The following OTC variants were observed in gnomAD, a reference collection of about 807,000 sequenced individuals.
OTC encodes ornithine transcarbamylase, mitochondrial.
A neutral mutation model predicts 30.3 loss-of-function variants in OTC; 3 were observed. The ratio of observed to expected loss-of-function variants is 0.10; its 90% CI spans 0.05 to 0.26. The LOEUF (loss-of-function observed/expected upper bound fraction) is 0.26. Ranked by LOEUF, OTC falls within the 10% of genes least tolerant of loss-of-function variation. The pLI is 1.00. For synonymous variants in OTC, 111 were observed against 99.7 expected, an observed-to-expected ratio of 1.11 and a Z score of -0.67; for missense variants, 194 against 260.3, an observed-to-expected ratio of 0.75 and a Z score of 1.75.
chrX:38,417,514 C>T (rs1376371472), intron 9 of OTC, among the ~76,000 whole-genome samples: 1 of 111,644 alleles, frequency 9.0e-6, no homozygotes, highest in East Asian at 2.8e-4. Flanking sequence ...CATCACCACT[C>T]AGGAAACTTC....
At chrX:38,401,954 T>C (rs1011245893) in intron 5 of OTC, among the ~76,000 whole-genome samples, 1 of 112,000 alleles carries the variant, frequency 8.9e-6, no homozygotes, top group Non-Finnish European at 1.9e-5. Flanking sequence ...GCCATTCTAG[T>C]CCTCCCAAAT....
intron 4 of OTC, among the ~76,000 whole-genome samples, chrX:38,388,184 A>G (rs990569121): frequency 2.7e-5 from 3 of 111,823 alleles, no homozygotes; most frequent in African/African-American, 9.8e-5. Context: ...CCATGGGAAG[A>G]CAGCCTTAAG....
the OTC span, among the ~76,000 whole-genome samples, chrX:38,334,631 G>A: frequency 6.2e-5 from 7 of 112,413 alleles, no homozygotes; most frequent in Non-Finnish European, 1.1e-4. Flanking sequence ...ATGTGCTACT[G>A]TACTACTATA....
chrX:38,362,022 A>G (rs1283642724), intron 1 of OTC, among the ~76,000 whole-genome samples: 1 of 111,832 alleles, frequency 8.9e-6, no homozygotes, highest in Non-Finnish European at 1.9e-5. Flanking sequence ...TAAGTGACAT[A>G]AGCCATGAAG....
At chrX:38,327,875 G>GGTAA in the OTC span, among the ~76,000 whole-genome samples, 1 of 112,985 alleles carries the variant, frequency 8.9e-6, no homozygotes, top group East Asian at 2.8e-4. Context: ...CATTAAAGGA[G>GGTAA]GTAAGCACTC....
chrX:38,385,817 G>A (rs1212129290), intron 4 of OTC, among the ~76,000 whole-genome samples: 2 of 112,129 alleles, frequency 1.8e-5, no homozygotes, highest in African/African-American at 3.2e-5. Context: ...ATTTATGGCC[G>A]GGTGTGTTGG....
Position 38,377,183 on chromosome X carries a change from C to T in OTC, c.299-4159C>T, listed in dbSNP as rs957670620. ...AAGAATTTTGGAAAAAATATAAACG[C>T]GTGGAAATTTAAAAATGTGCTCCTG... On this transcript the variant is annotated intron_variant, in intron 3 of 9. Transcript: ENST00000039007. Among the ~76,000 whole-genome samples the T allele has an allele frequency of 7.2e-5, 8 of 111,372 alleles. No homozygotes were observed. The East Asian group carries it at 8.4e-4, about 12-fold the overall frequency.
chrX:38,381,258 T>G, intron 3 of OTC, 84 bp from the exon 4 acceptor site: 1 of 666,185 alleles, frequency 1.5e-6, no homozygotes, highest in Non-Finnish European at 2.3e-6. Flanking sequence ...ACTTTTCAGT[T>G]GAGATGATGC....
At chrX:38,394,894 G>C (rs774440169) in intron 4 of OTC, among the ~76,000 whole-genome samples, 12 of 108,251 alleles carry the variant, frequency 1.1e-4, no homozygotes, top group Admixed American at 6.0e-4. Flanking sequence ...AGTAGTTTCT[G>C]GGGGGGGGCA....
At chrX:38,413,555 G>C in intron 9 of OTC, among the ~76,000 whole-genome samples, 1 of 111,627 alleles carries the variant, frequency 9.0e-6, no homozygotes, top group Non-Finnish European at 1.9e-5. Flanking sequence ...TTGTTATCTA[G>C]GCCAGTACTT....
At chrX:38,338,641 G>A in the OTC span, among the ~76,000 whole-genome samples, 3 of 112,359 alleles carry the variant, frequency 2.7e-5, no homozygotes, top group Non-Finnish European at 5.6e-5. Flanking sequence ...TTAAACAAGA[G>A]AAATTATAAA....
intron 3 of OTC, among the ~76,000 whole-genome samples, chrX:38,377,716 G>A (rs1029512688): frequency 9.0e-6 from 1 of 111,725 alleles, no homozygotes; most frequent in Non-Finnish European, 1.9e-5. Flanking sequence ...TCCCTCCTCT[G>A]CTCCAAGCCT....
At chrX:38,340,293 A>C in the OTC span, among the ~76,000 whole-genome samples, 2 of 111,381 alleles carry the variant, frequency 1.8e-5, no homozygotes, top group African/African-American at 6.5e-5. Context: ...ACCCAGAGAA[A>C]TAAGTGGGTT....
intron 6 of OTC, among the ~76,000 whole-genome samples, chrX:38,406,692 G>A (rs1467266672): frequency 8.9e-6 from 1 of 111,860 alleles, no homozygotes; most frequent in East Asian, 2.8e-4. Context: ...GAGGCACCTG[G>A]GGGAATATCC....
At chrX:38,339,714 T>A in the OTC span, among the ~76,000 whole-genome samples, 5 of 111,157 alleles carry the variant, frequency 4.5e-5, no homozygotes, top group Admixed American at 4.8e-4. Context: ...ACGTTTTATG[T>A]TTATTTTAAT....
the OTC span, among the ~76,000 whole-genome samples, chrX:38,335,041 C>A: frequency 8.9e-6 from 1 of 112,000 alleles, no homozygotes; most frequent in Non-Finnish European, 1.9e-5. Context: ...GCCCCATCCT[C>A]CCAACATTCC....
chrX:38,401,127 T>C, intron 4 of OTC, 148 bp from the exon 5 acceptor site: 2 of 507,480 alleles, frequency 3.9e-6, no homozygotes, highest in South Asian at 5.8e-5. Context: ...ATGTTTAATA[T>C]TACCTTTTAA....
chrX:38,366,933 A>G (rs2068299036), intron 1 of OTC, among the ~76,000 whole-genome samples: 1 of 111,708 alleles, frequency 9.0e-6, no homozygotes, highest in Non-Finnish European at 1.9e-5. Context: ...GCTGTGCTTT[A>G]TCAAGAGGCC....
chrX:38,380,443 G>C (rs907689237), intron 3 of OTC, among the ~76,000 whole-genome samples: 2 of 112,184 alleles, frequency 1.8e-5, no homozygotes, highest in Non-Finnish European at 3.8e-5. Context: ...TTGCCTTTAT[G>C]TATTGGAGAA....
Sources: gnomAD v4.1 joint callset for allele counts (sites outside exome capture counted in the v4.1 genomes callset) on GRCh38, gnomAD v4.1.1 for gene constraint, MANE v1.5 for transcripts, NCBI Gene and HGNC (gene_info 2026-07-23, HGNC 2026-07-21) for gene names.